NIPA1: variants seen among roughly 807,000 people sequenced by gnomAD.
NIPA1 encodes NIPA magnesium transporter 1, also known as magnesium transporter NIPA1.
NIPA1 carries 13 observed loss-of-function variants against 23.9 expected under a neutral mutation model. The ratio of observed to expected loss-of-function variants is 0.54; its 90% CI spans 0.35 to 0.87. The LOEUF (loss-of-function observed/expected upper bound fraction) is 0.87, where lower values mean the gene tolerates loss of function less well. Among genes scored for constraint, NIPA1 ranks in the 40% least tolerant of loss-of-function variants. NIPA1 has a pLI of 0.01. For synonymous variants in NIPA1, 234 were observed against 202.9 expected, an observed-to-expected ratio of 1.15 and a Z score of -1.30; for missense variants, 362 against 429.7, an observed-to-expected ratio of 0.84 and a Z score of 1.39.
rs370186860 is a variant in NIPA1, at chr15:22,799,649, GCAGGCGCCTGTAGTCC to G, written c.179-11096_179-11081del. Among the ~76,000 whole-genome samples the G allele has an allele frequency of 6.1e-4, 92 of 152,064 alleles. 2 individuals are homozygous for G. In the South Asian group the frequency reaches 1.0e-2, roughly 16 times the overall value. On this transcript the variant is annotated intron_variant, in intron 1 of 4. Coordinates refer to ENST00000337435, the MANE Select transcript of NIPA1 (RefSeq NM_144599.5). Reference sequence around the variant, plus strand: ...TACAAAAAATTAGCCAGGTGTGGCGGCAGGCGCCTGTAGTCCCAGCTACTCGGGAGGCTGAGTCAGG... The same window carrying G: ...TACAAAAAATTAGCCAGGTGTGGCGGCAGCTACTCGGGAGGCTGAGTCAGG...
intron 3 of NIPA1, 35 bp from the exon 4 acceptor site, chr15:22,820,278 T>C (rs1249807884): frequency 3.3e-6 from 5 of 1,492,904 alleles, no homozygotes; most frequent in Non-Finnish European, 4.7e-6. Flanking sequence ...GGTAGTTTGG[T>C]TTAAACTTTA....
Position 22,796,661 on chromosome 15 carries a change from A to G in NIPA1, c.178+9827A>G, listed in dbSNP as rs529292729. Among the ~76,000 whole-genome samples, 7 of 152,222 alleles carry G rather than the reference A, an allele frequency of 4.6e-5. No individual in the cohort carries two copies. The South Asian group carries it at 1.5e-3, about 32-fold the overall frequency. On this transcript the variant is annotated intron_variant, in intron 1 of 4. Coordinates refer to ENST00000337435, the MANE Select transcript of NIPA1 (RefSeq NM_144599.5). ...TACCAATTTCTTTTTTGTTTTAACC[A>G]TGAGGGACTAGAAAAGATCACTTTC... is the stretch of plus-strand genomic sequence containing the variant.
intron 1 of NIPA1, among the ~76,000 whole-genome samples, chr15:22,799,654 C>T (rs529544959): frequency 3.0e-4 from 46 of 151,680 alleles, no homozygotes; most frequent in Admixed American, 1.8e-3. Flanking sequence ...TGGCGGCAGG[C>T]GCCTGTAGTC....
At position 22,826,801 on chromosome 15, in the gene NIPA1, A is replaced by G. The variant is rs1402464173; in HGVS notation, c.*2562A>G. On this transcript the variant is annotated 3_prime_UTR_variant, in exon 5 of 5. Transcript: ENST00000337435. The stretch of plus-strand genomic sequence containing the variant: ...TCTGTTCAGCAGATACTTCAGTAGG[A>G]TACATAGCTTTTCTTCCAGTGAAAC... The G allele has an allele frequency of 6.6e-6, 1 of 152,170 alleles. No homozygotes were observed. Among genetic ancestry groups the G allele is most frequent in the Non-Finnish European group, 1.5e-5 (1 of 68,026 alleles). The allele number at this position is 152,170 out of a possible 1,614,324, so 9.4% of individuals were successfully genotyped here.
intron 1 of NIPA1, among the ~76,000 whole-genome samples, chr15:22,799,674 C>T (rs889717514): frequency 1.3e-5 from 2 of 151,114 alleles, no homozygotes; most frequent in African/African-American, 2.4e-5. Context: ...CCCAGCTACT[C>T]GGGAGGCTGA....
intron 1 of NIPA1, among the ~76,000 whole-genome samples, chr15:22,798,941 G>T (rs536534786): frequency 6.7e-6 from 1 of 149,936 alleles, no homozygotes; most frequent in African/African-American, 2.5e-5. Flanking sequence ...ATCACCCTTG[G>T]TTAACAATGA....
In NIPA1 at chr15:22,824,533, A is replaced by C; in HGVS notation, c.*294A>C. On this transcript the variant is annotated 3_prime_UTR_variant, in exon 5 of 5. Coordinates refer to ENST00000337435, the MANE Select transcript of NIPA1 (RefSeq NM_144599.5). The surrounding 1 kb of genome is among the most constrained non-coding windows in gnomAD (Gnocchi z 4.1). ...TTCATGAATATTCTCTTCTTTTAAA[A>C]CATTTTAACATTATTTAAACAGAAA... 2.6e-6 allele frequency: 1 copy of C among 390,634 alleles called. No individual in the cohort carries two copies. Among genetic ancestry groups the C allele is most frequent in the South Asian group, 2.8e-5 (1 of 35,826 alleles). 24.2% of individuals were successfully genotyped at this position (390,634 alleles called of 1,614,324 possible). A position where few individuals can be genotyped will look rare whatever the true frequency, so the allele number is the denominator to read the frequency against.
intron 4 of NIPA1, among the ~76,000 whole-genome samples, chr15:22,822,358 G>A (rs1392167511): frequency 6.6e-6 from 1 of 152,042 alleles, no homozygotes; most frequent in Non-Finnish European, 1.5e-5. Context: ...ATGGGGGTGG[G>A]GGTTGCTGTC....
In NIPA1 at chr15:22,790,877, G is replaced by A. The variant is rs1436814678; in HGVS notation, c.178+4043G>A. On this transcript the variant is annotated intron_variant, in intron 1 of 4. Transcript: ENST00000337435. Reference sequence around the variant, plus strand: ...GGATGAGGGAGGAGAGGGGAGATACGCAAGCACCAGAGAATGAAGTTCTTG... The same window carrying A: ...GGATGAGGGAGGAGAGGGGAGATACACAAGCACCAGAGAATGAAGTTCTTG... Among the ~76,000 whole-genome samples the A allele has an allele frequency of 2.0e-5, 3 of 152,174 alleles. No individual in the cohort carries two copies. In the East Asian group the frequency reaches 5.8e-4, roughly 29 times the overall value.
In NIPA1 at chr15:22,814,919, T is replaced by C. The variant is rs191958571; in HGVS notation, c.317+2666T>C. On this transcript the variant is annotated intron_variant, in intron 3 of 4. Transcript: ENST00000337435. ...TGATGCTTGAAGCCAGATAACTCTT[T>C]GTTGAGGGAGCCATTCTGTGCATTG... Among the ~76,000 whole-genome samples, 310 of 152,272 alleles carry C rather than the reference T, an allele frequency of 2.0e-3. 3 individuals are homozygous for C. The highest frequency in any genetic ancestry group is 0.019 in the Admixed American group (284 of 15,294).
At position 22,792,609 on chromosome 15, in the gene NIPA1, C is replaced by T. The variant is rs143308186; in HGVS notation, c.178+5775C>T. Among the ~76,000 whole-genome samples the T allele has an allele frequency of 5.4e-3, 819 of 151,668 alleles. 12 individuals carry two copies. Among genetic ancestry groups the T allele is most frequent in the African/African-American group, 0.019 (782 of 41,386 alleles). On this transcript the variant is annotated intron_variant, in intron 1 of 4. Transcript: ENST00000337435. ...TCCTGACCTCGTGATCTGCCTTCTT[C>T]GGCCTCCCAATGTGCTGGGCTCCCA...
chr15:22,813,392 G>A (rs1895355856), intron 3 of NIPA1, among the ~76,000 whole-genome samples: 1 of 152,124 alleles, frequency 6.6e-6, no homozygotes, highest in Admixed American at 6.5e-5. Flanking sequence ...TGGGGCAAAG[G>A]GGAAAGGGGG....
At chr15:22,805,691 G>T (rs1425755387) in intron 1 of NIPA1, among the ~76,000 whole-genome samples, 6 of 150,348 alleles carry the variant, frequency 4.0e-5, no homozygotes, top group Non-Finnish European at 4.4e-5. Flanking sequence ...GTCTCAAAAA[G>T]AAAAAGAAAA....
intron 2 of NIPA1, 181 bp downstream of exon 2, chr15:22,810,977 C>T: frequency 1.6e-6 from 1 of 634,600 alleles, no homozygotes; most frequent in Non-Finnish European, 2.8e-6. Flanking sequence ...CCAGGGCACT[C>T]TCCCTGCTCC....
chr15:22,796,802 C>A (rs1305746373), intron 1 of NIPA1, among the ~76,000 whole-genome samples: 1 of 152,172 alleles, frequency 6.6e-6, no homozygotes, highest in East Asian at 1.9e-4. Flanking sequence ...CCGACCCATG[C>A]AGGGACAGGG....
At chr15:22,799,966 AAAAAAG>A (rs1458285940) in intron 1 of NIPA1, among the ~76,000 whole-genome samples, 9 of 123,450 alleles carry the variant, frequency 7.3e-5, no homozygotes, top group Admixed American at 4.3e-4. Flanking sequence ...AAAAAAAAAA[AAAAAAG>A]GGAAAGAAAA....
intron 2 of NIPA1, among the ~76,000 whole-genome samples, chr15:22,811,792 A>G (rs1595640980): frequency 6.6e-6 from 1 of 152,204 alleles, no homozygotes; most frequent in Non-Finnish European, 1.5e-5. Context: ...CACCGTGGCC[A>G]GCTGCCTATG....
In NIPA1 at chr15:22,786,900, G is replaced by C. The variant is rs557595149; in HGVS notation, c.178+66G>C. ...GAGGCGGGCGGCGGAGAAGGCGGTC[G>C]CAGGTGGGGGCGCCCGGGTCGGGGC... On this transcript the variant is annotated intron_variant, in intron 1 of 4. Transcript: ENST00000337435. The C allele has an allele frequency of 1.2e-3, 576 of 476,648 alleles. 27 individuals carry two copies. The East Asian group carries it at 0.065, about 54-fold the overall frequency. 29.5% of individuals were successfully genotyped at this position (476,648 alleles called of 1,614,324 possible).
intron 3 of NIPA1, among the ~76,000 whole-genome samples, chr15:22,816,861 G>C (rs1895429494): frequency 6.6e-6 from 1 of 151,796 alleles, no homozygotes; most frequent in African/African-American, 2.4e-5. Flanking sequence ...AGTTTAGCAA[G>C]GTCGATGGAC....
Sources: gnomAD v4.1 joint callset for allele counts (sites outside exome capture counted in the v4.1 genomes callset) on GRCh38, gnomAD v4.1.1 for gene constraint, Gnocchi (gnomAD v3.1) non-coding constraint, MANE v1.5 for transcripts, NCBI Gene and HGNC (gene_info 2026-07-23, HGNC 2026-07-21) for gene names.